Variants in PPIL2 observed in about 807,000 individuals in gnomAD.
PPIL2 encodes the protein peptidylprolyl isomerase like 2, also known as RING-type E3 ubiquitin-protein ligase PPIL2.
PPIL2 carries 50 observed loss-of-function variants against 75.2 expected under a neutral mutation model. The ratio of observed to expected loss-of-function variants is 0.66; its 90% CI spans 0.53 to 0.84. The LOEUF (loss-of-function observed/expected upper bound fraction) is 0.84. Among genes scored for constraint, PPIL2 ranks in the 40% least tolerant of loss-of-function variants. PPIL2 has a pLI of 0.00. For synonymous variants in PPIL2, 245 were observed against 258.8 expected, an observed-to-expected ratio of 0.95 and a Z score of 0.51; for missense variants, 590 against 685.0, an observed-to-expected ratio of 0.86 and a Z score of 1.55.
At chr22:21,670,358 A>G in intron 2 of PPIL2, 1 of 1,510,688 alleles carries the variant, frequency 6.6e-7, no homozygotes, top group South Asian at 1.3e-5. Flanking sequence ...ATGGAAGTAA[A>G]AAGTATGCAC....
Position 21,694,976 on chromosome 22 carries a change from G to C in PPIL2, c.1372G>C (p.Glu458Gln), listed in dbSNP as rs778733523. ...ERKTQLKVAP[E>Q]TKVKSSQPQA... ...GAAGACACAGCTCAAGGTAGCCCCG[G>C]AGACCAAAGTGAAGAGCAGCCAGCC... Residue 458 changes from glutamate (E) to glutamine (Q), a missense_variant, in exon 19 of 20, where the codon GAG (glutamate) becomes CAG (glutamine). By Grantham distance (29) the Glu-to-Gln change is conservative (BLOSUM62 2). Transcript: ENST00000398831. 6.2e-7 allele frequency: 1 copy of C among 1,613,858 alleles called. No individual in the cohort carries two copies. The highest frequency in any genetic ancestry group is 8.5e-7 in the Non-Finnish European group (1 of 1,180,030).
At position 21,694,923 on chromosome 22, in the gene PPIL2, C is replaced by T; in HGVS notation, c.1333-14C>T. The T allele has an allele frequency of 6.2e-7, 1 of 1,612,142 alleles. No homozygotes were observed. The highest frequency in any genetic ancestry group is 1.1e-5 in the South Asian group (1 of 90,900). On this transcript the variant is annotated splice_polypyrimidine_tract_variant and intron_variant, in intron 18 of 19. Transcript: ENST00000398831. ...GAGGTGCTGCCGGTTAGCCAGCGCC[C>T]TGTTGTGCCACAGATTGCGCAGGAG...
At chr22:21,671,357 GA>G (rs1195273455) in intron 4 of PPIL2, among the ~76,000 whole-genome samples, 2 of 152,302 alleles carry the variant, frequency 1.3e-5, no homozygotes, top group East Asian at 3.9e-4. Flanking sequence ...TTTAGAAAAA[GA>G]AAATTTTACC....
chr22:21,674,186 G>A lies in PPIL2; in HGVS notation c.244-878G>A, dbSNP rs73877655. The stretch of plus-strand genomic sequence containing the variant: ...CAGCTGCTGGATTGTGGCCCTGAGT[G>A]AGGTGCTCCCCAGCAGCACATAGCT... On this transcript the variant is annotated intron_variant, in intron 5 of 19. Coordinates refer to ENST00000398831, the MANE Select transcript of PPIL2 (RefSeq NM_014337.4). Among the ~76,000 whole-genome samples the A allele has an allele frequency of 8.0e-3, 1,223 of 152,282 alleles. 24 individuals are homozygous for A. The highest frequency in any genetic ancestry group is 0.028 in the African/African-American group (1,172 of 41,560).
downstream of PPIL2, chr22:21,698,324 C>G (rs529401630): frequency 5.3e-5 from 8 of 150,962 alleles, no homozygotes; most frequent in South Asian, 1.7e-3. Context: ...TCAATGCCGT[C>G]ACAAAAGACA....
chr22:21,690,157 T>C (rs1032250491), intron 15 of PPIL2, among the ~76,000 whole-genome samples: 5 of 151,768 alleles, frequency 3.3e-5, no homozygotes, highest in African/African-American at 4.8e-5. Context: ...CTGAGGTAGG[T>C]GGATTGCCTG....
chr22:21,695,928 CCTCCTG>C lies in PPIL2; in HGVS notation c.*440_*445del. 2 of 832,562 alleles carry C rather than the reference CCTCCTG, an allele frequency of 2.4e-6. No homozygotes were observed. The highest frequency in any genetic ancestry group is 1.9e-4 in the East Asian group (2 of 10,492). The allele number at this position is 832,562 out of a possible 1,614,324, so 51.6% of individuals were successfully genotyped here. A position where few individuals can be genotyped will look rare whatever the true frequency, so the allele number is the denominator to read the frequency against. The stretch of plus-strand genomic sequence containing the variant: ...CCTCGACCTCCTGGGCTCAAGCAAT[CCTCCTG>C]CCTCAGCCTCGCAAGTAGCTGGGAC... On this transcript the variant is annotated 3_prime_UTR_variant, in exon 20 of 20. Transcript: ENST00000398831.
At chr22:21,688,328 G>A (rs1213312446) in intron 14 of PPIL2, among the ~76,000 whole-genome samples, 1 of 152,174 alleles carries the variant, frequency 6.6e-6, no homozygotes, top group Admixed American at 6.5e-5. Flanking sequence ...AGAGTGTGTG[G>A]TCTCTTCCCT....
At chr22:21,671,624 T>C (rs1276542959) in intron 4 of PPIL2, among the ~76,000 whole-genome samples, 1 of 151,986 alleles carries the variant, frequency 6.6e-6, no homozygotes, top group Non-Finnish European at 1.5e-5. Context: ...CCCAGGCTGG[T>C]CTTGAACTCC....
At chr22:21,693,055 T>C (rs2067750201) in intron 15 of PPIL2, among the ~76,000 whole-genome samples, 1 of 149,776 alleles carries the variant, frequency 6.7e-6, no homozygotes, top group African/African-American at 2.5e-5. Flanking sequence ...TTTCCTTTTT[T>C]CTTTTTCTTT....
chr22:21,669,040 C>T (rs1490720044), intron 1 of PPIL2, among the ~76,000 whole-genome samples: 4 of 125,158 alleles, frequency 3.2e-5, no homozygotes, highest in East Asian at 2.5e-4. Flanking sequence ...TTAGTAGAGA[C>T]TGGTTTCACC....
intron 1 of PPIL2, among the ~76,000 whole-genome samples, chr22:21,666,678 G>T (rs887256875): frequency 2.0e-5 from 3 of 152,024 alleles, no homozygotes; most frequent in Non-Finnish European, 2.9e-5. Context: ...GCGTGGTGAC[G>T]GGCGCCTGTA....
At chr22:21,691,597 G>C (rs532677488) in intron 15 of PPIL2, among the ~76,000 whole-genome samples, 138 of 151,946 alleles carry the variant, frequency 9.1e-4, no homozygotes, top group African/African-American at 3.2e-3. Flanking sequence ...GGAGAATGGC[G>C]TGAACCCAGG....
intron 6 of PPIL2, among the ~76,000 whole-genome samples, chr22:21,677,547 A>ACCGTCTCCACCCAAAAAATACG (rs1330188951): frequency 1.3e-5 from 2 of 151,990 alleles, no homozygotes; most frequent in African/African-American, 4.8e-5. Context: ...AAATACGAAA[A>ACCGTCTCCACCCAAAAAATACG]CCAGTCAGGC....
chr22:21,675,926 C>G (rs76785203), intron 6 of PPIL2, among the ~76,000 whole-genome samples: 3,235 of 152,316 alleles, frequency 0.021, 48 homozygotes, highest in African/African-American at 0.038. Flanking sequence ...GCCAGAGGCC[C>G]GGATGAGTTG....
rs188415469 is a variant in PPIL2 at position 21,676,747 on chromosome 22, A to T, written c.295+1632A>T. ...AGTACAGAACAAAATGGAGTCTCCT[A>T]TGTCTACTTGTTTCTACACAGACAC... On this transcript the variant is annotated intron_variant, in intron 6 of 19. Transcript: ENST00000398831. Among the ~76,000 whole-genome samples the T allele has an allele frequency of 3.4e-3, 517 of 152,290 alleles. 3 individuals are homozygous for T. Among genetic ancestry groups the T allele is most frequent in the African/African-American group, 0.012 (494 of 41,552 alleles).
intron 15 of PPIL2, among the ~76,000 whole-genome samples, chr22:21,692,397 G>A (rs144576196): frequency 0.049 from 7,288 of 149,134 alleles, 416 homozygotes; most frequent in African/African-American, 0.14. Context: ...CTTGTGATCC[G>A]CCCACCTTGG....
chr22:21,693,920 G>A (rs2067795255), intron 16 of PPIL2, 48 bp downstream of exon 16: 4 of 1,517,666 alleles, frequency 2.6e-6, no homozygotes, highest in Admixed American at 1.7e-5. Context: ...GGGCTAGGTG[G>A]GTTCCTTCCC....
Position 21,695,491 on chromosome 22 carries a change from C to T in PPIL2, c.*1C>T. The T allele has an allele frequency of 3.8e-6, 6 of 1,595,150 alleles. No homozygotes were observed. Among genetic ancestry groups the T allele is most frequent in the Non-Finnish European group, 5.1e-6 (6 of 1,170,268 alleles). On this transcript the variant is annotated 3_prime_UTR_variant, in exon 20 of 20. Coordinates refer to ENST00000398831, the MANE Select transcript of PPIL2 (RefSeq NM_014337.4). Reference sequence around the variant, plus strand: ...TTTTGGGGACTTCAGCTCCTGGTAGCAGCAGGTTGGCCGCTGTGGACCTTG... The same window carrying T: ...TTTTGGGGACTTCAGCTCCTGGTAGTAGCAGGTTGGCCGCTGTGGACCTTG...
Sources: gnomAD v4.1 joint callset for allele counts (sites outside exome capture counted in the v4.1 genomes callset) on GRCh38, gnomAD v4.1.1 for gene constraint, MANE v1.5 for transcripts, NCBI Gene and HGNC (gene_info 2026-07-23, HGNC 2026-07-21) for gene names.